Variants in TMC7 observed in about 807,000 individuals in gnomAD.
TMC7 encodes transmembrane channel-like protein 7.
TMC7 carries 54 observed loss-of-function variants against 82.9 expected under a neutral mutation model. The observed-to-expected ratio is 0.65, with a 90% CI of 0.52 to 0.82. TMC7 has a LOEUF of 0.82. TMC7 is among the 40% of genes least tolerant of loss of function. The probability of loss-of-function intolerance (pLI) is 0.00; values close to 1 mark genes in which losing one functional copy is unlikely to be tolerated. For missense variants in TMC7, 820 were observed against 901.2 expected, an observed-to-expected ratio of 0.91 and a Z score of 1.15; for synonymous variants, 350 against 337.9, an observed-to-expected ratio of 1.04 and a Z score of -0.39.
At chr16:19,043,297 G>T (rs2142277001) in intron 9 of TMC7, among the ~76,000 whole-genome samples, 1 of 152,224 alleles carries the variant, frequency 6.6e-6, no homozygotes, top group East Asian at 1.9e-4. Context: ...ATACAGAAAA[G>T]ATTCCATTGG....
intron 11 of TMC7, among the ~76,000 whole-genome samples, chr16:19,046,433 C>T (rs1052255018): frequency 6.6e-6 from 1 of 152,238 alleles, no homozygotes; most frequent in Non-Finnish European, 1.5e-5. Flanking sequence ...GCATGATTAT[C>T]ATAAACTGTG....
intron 6 of TMC7, among the ~76,000 whole-genome samples, chr16:19,032,437 G>T (rs533407488): frequency 1.3e-5 from 2 of 152,094 alleles, no homozygotes; most frequent in East Asian, 1.9e-4. Flanking sequence ...TGGTTGATTG[G>T]GGTTCCGTGA....
intron 9 of TMC7, among the ~76,000 whole-genome samples, chr16:19,044,333 C>A (rs1163912403): frequency 6.6e-6 from 1 of 152,122 alleles, no homozygotes; most frequent in Non-Finnish European, 1.5e-5. Flanking sequence ...GTCACCACCA[C>A]ACCTTGCTCA....
chr16:18,994,412 C>T (rs142219777), intron 1 of TMC7, among the ~76,000 whole-genome samples: 2,453 of 151,312 alleles, frequency 0.016, 45 homozygotes, highest in South Asian at 0.03. Flanking sequence ...ACTATCGTGC[C>T]ACTGCACTCC....
In TMC7 at chr16:19,051,622, C is replaced by G; in HGVS notation, c.1741-64C>G. On this transcript the variant is annotated intron_variant, in intron 12 of 15. Coordinates refer to ENST00000304381, the MANE Select transcript of TMC7 (RefSeq NM_024847.4). The stretch of plus-strand genomic sequence containing the variant: ...ATTCCCACTGTAATGCAGGAATGCA[C>G]TTATTTATCTTCACAGAAGCTGTAC... 1.9e-6 allele frequency: 3 copies of G among 1,586,082 alleles called. No homozygotes were observed. In the South Asian group the frequency reaches 3.3e-5, roughly 18 times the overall value.
intron 7 of TMC7, among the ~76,000 whole-genome samples, chr16:19,036,579 G>T (rs568471854): frequency 1.3e-5 from 2 of 151,346 alleles, no homozygotes; most frequent in Non-Finnish European, 2.9e-5. Flanking sequence ...ACTTGGGCAT[G>T]GTGGCACATG....
intron 9 of TMC7, 136 bp downstream of exon 9, chr16:19,040,582 G>GC: frequency 1.4e-6 from 1 of 723,538 alleles, no homozygotes; most frequent in Non-Finnish European, 2.3e-6. Flanking sequence ...CCTTCAGACA[G>GC]CCCCCATGAA....
At chr16:18,993,338 G>C (rs2038984267) in intron 1 of TMC7, among the ~76,000 whole-genome samples, 1 of 152,074 alleles carries the variant, frequency 6.6e-6, no homozygotes, top group Non-Finnish European at 1.5e-5. Context: ...TTTAAGAGGT[G>C]GGCTAACAGC....
intron 12 of TMC7, among the ~76,000 whole-genome samples, chr16:19,051,115 C>A (rs550944199): frequency 6.6e-6 from 1 of 151,966 alleles, no homozygotes; most frequent in East Asian, 1.9e-4. Context: ...ATGACTGTAG[C>A]GTTAAACATC....
chr16:19,048,928 T>C (rs781601740), intron 12 of TMC7, among the ~76,000 whole-genome samples: 1 of 152,180 alleles, frequency 6.6e-6, no homozygotes, highest in Non-Finnish European at 1.5e-5. Context: ...TTAGTAATAA[T>C]AGCAGATAAT....
At chr16:19,002,460 C>T (rs1243423720) in intron 1 of TMC7, among the ~76,000 whole-genome samples, 2 of 152,094 alleles carry the variant, frequency 1.3e-5, no homozygotes, top group African/African-American at 4.8e-5. Flanking sequence ...TGGTCTTGAA[C>T]TCCTGACCTC....
At position 19,023,096 on chromosome 16, in the gene TMC7, GT is replaced by G; in HGVS notation, c.629-12del. On this transcript the variant is annotated splice_polypyrimidine_tract_variant and intron_variant, in intron 4 of 15. Coordinates refer to ENST00000304381, the MANE Select transcript of TMC7 (RefSeq NM_024847.4). ...TAAAACTGTTTCCACTGACATTCTGGTTTTTGTTTCTTACAGATAAACAATG... is the reference window on the plus strand; with the variant it reads ...TAAAACTGTTTCCACTGACATTCTGGTTTTGTTTCTTACAGATAAACAATG... 3.2e-6 allele frequency: 5 copies of G among 1,549,142 alleles called. No individual in the cohort carries two copies. The highest frequency in any genetic ancestry group is 4.4e-6 in the Non-Finnish European group (5 of 1,131,152).
At chr16:19,022,616 G>GTT (rs1960030713) in intron 4 of TMC7, among the ~76,000 whole-genome samples, 1 of 152,184 alleles carries the variant, frequency 6.6e-6, no homozygotes, top group African/African-American at 2.4e-5. Flanking sequence ...CTAGGTTTGC[G>GTT]TAAGTCCACT....
At chr16:19,055,467 C>T (rs537594697) in intron 13 of TMC7, among the ~76,000 whole-genome samples, 1 of 152,128 alleles carries the variant, frequency 6.6e-6, no homozygotes, top group African/African-American at 2.4e-5. Flanking sequence ...AAGCAACTCT[C>T]GTGCCTCAGC....
rs1960454498 is a variant in TMC7, at chr16:19,030,314, T to C, written c.802T>C (p.Tyr268His). 1.9e-6 allele frequency: 3 copies of C among 1,613,784 alleles called. No homozygotes were observed. The highest frequency in any genetic ancestry group is 1.7e-6 in the Non-Finnish European group (2 of 1,179,922). The change falls in exon 6 of 16, where the codon TAT (tyrosine) becomes CAT (histidine). Residue 268 changes from tyrosine to histidine, a missense_variant. Coordinates refer to ENST00000304381, the MANE Select transcript of TMC7 (RefSeq NM_024847.4). ...CTTCACCTATGATCTGCCCCTGGCG[T>C]ATTTGTTAAGCACAATCGCCTCCCT... ...QNFTYDLPLA[Y>H]LLSTIASLAL...
At chr16:19,042,770 G>A (rs911436231) in intron 9 of TMC7, among the ~76,000 whole-genome samples, 1 of 150,062 alleles carries the variant, frequency 6.7e-6, no homozygotes, top group African/African-American at 2.5e-5. Flanking sequence ...TTTTCGAGAC[G>A]GAGTCTCGCT....
At chr16:18,999,985 G>A (rs1474959227) in intron 1 of TMC7, among the ~76,000 whole-genome samples, 2 of 151,658 alleles carry the variant, frequency 1.3e-5, no homozygotes, top group Admixed American at 6.6e-5. Context: ...GGATGGTCTC[G>A]ATCTCCTGAC....
intron 6 of TMC7, among the ~76,000 whole-genome samples, chr16:19,031,281 C>A (rs1349239159): frequency 6.6e-6 from 1 of 152,120 alleles, no homozygotes; most frequent in Non-Finnish European, 1.5e-5. Flanking sequence ...CCACCGTTGC[C>A]ATGGGGAGCA....
At chr16:18,992,673 A>G (rs920717785) in intron 1 of TMC7, among the ~76,000 whole-genome samples, 2 of 152,160 alleles carry the variant, frequency 1.3e-5, no homozygotes, top group African/African-American at 4.8e-5. Context: ...GTCCTTGCCC[A>G]TGCCTATGTC....
Sources: allele counts gnomAD v4.1 joint callset (sites outside exome capture counted in the v4.1 genomes callset), GRCh38; gene constraint gnomAD v4.1.1; transcripts MANE v1.5; gene names NCBI Gene and HGNC (gene_info 2026-07-23, HGNC 2026-07-21).